The following SEMA6D variants were observed in gnomAD, a reference collection of about 807,000 sequenced individuals.
SEMA6D encodes the protein semaphorin 6D.
In SEMA6D, 35 loss-of-function variants were observed where a neutral mutation model predicts 106.6. That is an observed-to-expected ratio of 0.33 (90% CI 0.25 to 0.44). SEMA6D has a LOEUF of 0.44. Among genes scored for constraint, SEMA6D ranks in the 20% least tolerant of loss-of-function variants. The pLI, the probability that SEMA6D is intolerant of heterozygous loss-of-function variation, is 1.00. For synonymous variants in SEMA6D, 499 were observed against 487.7 expected (o/e 1.02, Z -0.31); for missense variants, 1,185 against 1,345.9 (o/e 0.88, Z 1.87).
chr15:47,631,590 G>A (rs897089317), intron 4 of SEMA6D, among the ~76,000 whole-genome samples: 15 of 151,736 alleles, frequency 9.9e-5, no homozygotes, highest in African/African-American at 3.6e-4. Flanking sequence ...TAATAGGAAG[G>A]AGGGGGAAGA....
intron 1 of SEMA6D, among the ~76,000 whole-genome samples, chr15:47,348,322 A>C (rs1677348994): frequency 6.6e-6 from 1 of 152,152 alleles, no homozygotes; most frequent in Admixed American, 6.6e-5. Context: ...CCTCATCTGT[A>C]AAATGGAGAC....
At chr15:47,552,633 G>T (rs1451218518) in intron 3 of SEMA6D, among the ~76,000 whole-genome samples, 2 of 147,198 alleles carry the variant, frequency 1.4e-5, no homozygotes, top group Non-Finnish European at 3.0e-5. Flanking sequence ...TTCTCGGGGA[G>T]CAGTGACATT....
At chr15:47,371,457 A>G (rs2039270164) in intron 1 of SEMA6D, among the ~76,000 whole-genome samples, 1 of 152,206 alleles carries the variant, frequency 6.6e-6, no homozygotes, top group Admixed American at 6.5e-5. Context: ...TCTTCTCCCA[A>G]TTAAGATTCC....
intron 2 of SEMA6D, among the ~76,000 whole-genome samples, chr15:47,454,962 C>G (rs2042303682): frequency 6.6e-6 from 1 of 151,812 alleles, no homozygotes. Context: ...ATTTTCCACT[C>G]TATGATAGAA....
At chr15:47,376,534 T>C (rs1004462308) in intron 1 of SEMA6D, among the ~76,000 whole-genome samples, 1 of 152,230 alleles carries the variant, frequency 6.6e-6, no homozygotes, top group Admixed American at 6.5e-5. Context: ...CGAGCACTAG[T>C]GTCGCCTAAA....
chr15:47,527,533 G>A (rs1231802657), intron 3 of SEMA6D: 1 of 152,154 alleles, frequency 6.6e-6, no homozygotes, highest in African/African-American at 2.4e-5. Flanking sequence ...TTCTGTGTTT[G>A]AGATTCTTAC....
chr15:47,715,620 G>C (rs2146152261), upstream of SEMA6D, among the ~76,000 whole-genome samples: 1 of 152,238 alleles, frequency 6.6e-6, no homozygotes, highest in South Asian at 2.1e-4. Flanking sequence ...CTAATCCATG[G>C]CTTGAAACGA....
intron 1 of SEMA6D, among the ~76,000 whole-genome samples, chr15:47,253,784 T>C (rs2141971945): frequency 6.6e-6 from 1 of 152,286 alleles, no homozygotes; most frequent in South Asian, 2.1e-4. Context: ...AGTCAAGTAA[T>C]GTGATTCCTA....
chr15:47,238,823 C>G (rs1013736656), intron 1 of SEMA6D, among the ~76,000 whole-genome samples: 2 of 152,152 alleles, frequency 1.3e-5, no homozygotes, highest in African/African-American at 4.8e-5. Flanking sequence ...ATGAGAACTT[C>G]CATTTCAAGC....
intron 3 of SEMA6D, among the ~76,000 whole-genome samples, chr15:47,482,051 C>T (rs569663477): frequency 6.6e-6 from 1 of 152,204 alleles, no homozygotes; most frequent in South Asian, 2.1e-4. Context: ...GGAAAACAGT[C>T]AGATTCTTTG....
chr15:47,478,988 A>AT (rs1328793452), intron 3 of SEMA6D, among the ~76,000 whole-genome samples: 4 of 151,984 alleles, frequency 2.6e-5, no homozygotes, highest in Non-Finnish European at 5.9e-5. Flanking sequence ...AGCATGTGAA[A>AT]TCCCCCACCA....
Position 47,596,587 on chromosome 15 carries a change from T to G in SEMA6D, c.-86-4278T>G, listed in dbSNP as rs571856018. ...TCATATTGGCATAAAAATAGATACA[T>G]CAACCAATAGAACAGAATTGGGAAC... On this transcript the variant is annotated intron_variant, in intron 3 of 19. Coordinates refer to the SEMA6D transcript ENST00000558014. Among the ~76,000 whole-genome samples, 13 of 152,090 alleles carry G rather than the reference T, an allele frequency of 8.5e-5. 1 individual carries two copies. Among genetic ancestry groups the G allele is most frequent in the Middle Eastern group, 3.4e-3 (1 of 294 alleles).
At chr15:47,598,756 T>C (rs1255872298) in intron 3 of SEMA6D, among the ~76,000 whole-genome samples, 3 of 152,160 alleles carry the variant, frequency 2.0e-5, no homozygotes, top group Non-Finnish European at 4.4e-5. Context: ...TTTTCAGGAA[T>C]TTACAGATCA....
intron 4 of SEMA6D, among the ~76,000 whole-genome samples, chr15:47,710,858 T>C (rs2079003040): frequency 6.6e-6 from 1 of 152,174 alleles, no homozygotes; most frequent in African/African-American, 2.4e-5. Flanking sequence ...CTTAAAAATA[T>C]CAATTTGAAG....
At chr15:47,443,281 A>G (rs181985535) in intron 2 of SEMA6D, among the ~76,000 whole-genome samples, 1 of 152,270 alleles carries the variant, frequency 6.6e-6, no homozygotes, top group East Asian at 1.9e-4. Flanking sequence ...GTGTTGGCCA[A>G]TAGCAAATAG....
At chr15:47,296,804 A>G (rs1028125979) in intron 1 of SEMA6D, among the ~76,000 whole-genome samples, 3 of 152,236 alleles carry the variant, frequency 2.0e-5, no homozygotes, top group African/African-American at 7.2e-5. Flanking sequence ...AACATTTTCC[A>G]TATGAATATG....
chr15:47,532,234 G>T (rs1419229283), intron 3 of SEMA6D, among the ~76,000 whole-genome samples: 1 of 152,164 alleles, frequency 6.6e-6, no homozygotes, highest in Non-Finnish European at 1.5e-5. Flanking sequence ...TAATTTATTT[G>T]TAAAGAACTT....
At chr15:47,284,373 T>C (rs2035265587) in intron 1 of SEMA6D, among the ~76,000 whole-genome samples, 1 of 152,200 alleles carries the variant, frequency 6.6e-6, no homozygotes, top group African/African-American at 2.4e-5. Context: ...TGTGGTCATA[T>C]GTCACTGGGC....
chr15:47,314,959 G>A (rs1402708756), intron 1 of SEMA6D, among the ~76,000 whole-genome samples: 3 of 135,768 alleles, frequency 2.2e-5, no homozygotes, highest in Non-Finnish European at 4.6e-5. Flanking sequence ...TCCGCCTCCC[G>A]GGTTCACACC....
Sources: gnomAD v4.1 joint callset for allele counts (sites outside exome capture counted in the v4.1 genomes callset) on GRCh38, gnomAD v4.1.1 for gene constraint, MANE v1.5 for transcripts, NCBI Gene and HGNC (gene_info 2026-07-23, HGNC 2026-07-21) for gene names.